The following STAG1 variants were observed in gnomAD, a reference collection of about 807,000 sequenced individuals.
The protein encoded by STAG1 is STAG1 cohesin complex component.
A neutral mutation model predicts 170.9 loss-of-function variants in STAG1; 26 were observed. That is an observed-to-expected ratio of 0.15 (90% CI 0.11 to 0.21). STAG1 has a LOEUF of 0.21. STAG1 is among the 10% of genes least tolerant of loss of function. STAG1 has a pLI of 1.00. For missense variants in STAG1, 964 were observed against 1,509.5 expected, an observed-to-expected ratio of 0.64 and a Z score of 5.99; for synonymous variants, 514 against 497.7, an observed-to-expected ratio of 1.03 and a Z score of -0.44.
chr3:136,482,043 G>A (rs1478933608), intron 9 of STAG1, among the ~76,000 whole-genome samples: 1 of 37,286 alleles, frequency 2.7e-5, no homozygotes, highest in Non-Finnish European at 5.5e-5. Context: ...TGGATTCATT[G>A]ATTTTTTGAA....
At chr3:136,714,935 T>TAAAATATATATA (rs1167683540) in intron 1 of STAG1, among the ~76,000 whole-genome samples, 6 of 56,576 alleles carry the variant, frequency 1.1e-4, no homozygotes, top group African/African-American at 5.5e-4. Flanking sequence ...AATATATATA[T>TAAAATATATATA]TAAATATATA....
chr3:136,503,600 G>T (rs1403921609), intron 7 of STAG1, among the ~76,000 whole-genome samples: 1 of 151,912 alleles, frequency 6.6e-6, no homozygotes, highest in Non-Finnish European at 1.5e-5. Flanking sequence ...CTCCTTTTAG[G>T]TTATTCATGT....
intron 14 of STAG1, among the ~76,000 whole-genome samples, chr3:136,445,303 C>T (rs962972634): frequency 4.6e-5 from 7 of 151,998 alleles, no homozygotes; most frequent in African/African-American, 1.7e-4. Flanking sequence ...TATCCTTAGA[C>T]CATCCATAAC....
At chr3:136,722,082 G>A (rs1933311098) in intron 1 of STAG1, among the ~76,000 whole-genome samples, 1 of 151,386 alleles carries the variant, frequency 6.6e-6, no homozygotes, top group South Asian at 2.1e-4. Flanking sequence ...AAATAGCCAG[G>A]CATGGTGGTG....
chr3:136,451,961 A>C (rs1235634541), intron 14 of STAG1, 72 bp downstream of exon 14: 8 of 1,022,732 alleles, frequency 7.8e-6, no homozygotes, highest in Non-Finnish European at 1.1e-5. Context: ...GATTGAAAAA[A>C]ATTAAAATGA....
intron 5 of STAG1, among the ~76,000 whole-genome samples, chr3:136,548,607 C>T (rs897019033): frequency 6.6e-6 from 1 of 152,144 alleles, no homozygotes; most frequent in African/African-American, 2.4e-5. Flanking sequence ...ATCGGTAAGA[C>T]CACTTTAGGC....
intron 9 of STAG1, among the ~76,000 whole-genome samples, chr3:136,495,102 A>T (rs1450329475): frequency 1.3e-5 from 2 of 152,210 alleles, no homozygotes; most frequent in Non-Finnish European, 2.9e-5. Flanking sequence ...AGGTGGTATC[A>T]GTGTAAGGAT....
At chr3:136,352,650 A>G (rs541485138) in intron 28 of STAG1, among the ~76,000 whole-genome samples, 1 of 152,156 alleles carries the variant, frequency 6.6e-6, no homozygotes, top group Admixed American at 6.5e-5. Flanking sequence ...TAGTGCTTTT[A>G]GCTGTGTACT....
At chr3:136,411,488 A>G (rs1032495803) in intron 21 of STAG1, among the ~76,000 whole-genome samples, 10 of 152,208 alleles carry the variant, frequency 6.6e-5, no homozygotes, top group African/African-American at 2.4e-5. Context: ...ATATTACAAT[A>G]AATTCTGAAA....
At chr3:136,703,565 T>G (rs1182663826) in intron 1 of STAG1, among the ~76,000 whole-genome samples, 1 of 152,172 alleles carries the variant, frequency 6.6e-6, no homozygotes. Context: ...TTTACTGGAT[T>G]CAGACACTCA....
At chr3:136,498,960 G>A (rs1933314059) in intron 9 of STAG1, among the ~76,000 whole-genome samples, 1 of 152,030 alleles carries the variant, frequency 6.6e-6, no homozygotes, top group African/African-American at 2.4e-5. Flanking sequence ...GTATACACAG[G>A]GGATTGCTTC....
intron 1 of STAG1, among the ~76,000 whole-genome samples, chr3:136,742,724 AAAAAG>A (rs1934734903): frequency 6.6e-6 from 1 of 152,002 alleles, no homozygotes; most frequent in African/African-American, 2.4e-5. Context: ...CAAAAAAAAA[AAAAAG>A]AAAAGAAAAT....
intron 16 of STAG1, among the ~76,000 whole-genome samples, chr3:136,425,797 TAA>T (rs897704565): frequency 2.0e-5 from 3 of 150,568 alleles, no homozygotes; most frequent in Middle Eastern, 3.5e-3. Context: ...AGAAAGTAAT[TAA>T]AAAATAAGAT....
chr3:136,570,711 G>A (rs895463387), intron 4 of STAG1, among the ~76,000 whole-genome samples: 2 of 152,170 alleles, frequency 1.3e-5, no homozygotes, highest in African/African-American at 2.4e-5. Context: ...CCCAAGACTA[G>A]GTACTGTCAG....
At chr3:136,492,001 C>T (rs2090133705) in intron 9 of STAG1, among the ~76,000 whole-genome samples, 2 of 152,022 alleles carry the variant, frequency 1.3e-5, no homozygotes, top group South Asian at 2.1e-4. Context: ...AAAAACAAAA[C>T]AAAACAAAAA....
At chr3:136,565,503 T>A (rs1313016216) in intron 5 of STAG1, among the ~76,000 whole-genome samples, 4 of 152,334 alleles carry the variant, frequency 2.6e-5, no homozygotes, top group South Asian at 4.1e-4. Context: ...GTAGGATGGC[T>A]ATAATTTTTA....
chr3:136,363,980 G>A (rs1936978340), intron 25 of STAG1, among the ~76,000 whole-genome samples: 1 of 152,052 alleles, frequency 6.6e-6, no homozygotes, highest in Non-Finnish European at 1.5e-5. Flanking sequence ...GGCTGGTCTT[G>A]AACTCCTGAC....
rs1576724000 is a variant in STAG1, at chr3:136,657,149, C to T, written c.-83-26168G>A. Reference sequence around the variant, plus strand: ...AAAAAAAGTGGCCAGTGTATAGATGCAAATATAAAGAACGTCCTCTCCTAC... The same window carrying T: ...AAAAAAAGTGGCCAGTGTATAGATGTAAATATAAAGAACGTCCTCTCCTAC... On this transcript the variant is annotated intron_variant, in intron 1 of 33. Coordinates refer to ENST00000383202, the MANE Select transcript of STAG1 (RefSeq NM_005862.3). Among the ~76,000 whole-genome samples the T allele has an allele frequency of 2.1e-5, 3 of 145,716 alleles. No homozygotes were observed. The South Asian group carries it at 6.5e-4, about 32-fold the overall frequency.
chr3:136,518,051 A>T (rs1204819811), intron 7 of STAG1: 1 of 214,448 alleles, frequency 4.7e-6, no homozygotes, highest in Non-Finnish European at 9.0e-6. Context: ...TATAATGATA[A>T]AAAAAACTTT....
Sources: gnomAD v4.1 joint callset for allele counts (sites outside exome capture counted in the v4.1 genomes callset) on GRCh38, gnomAD v4.1.1 for gene constraint, MANE v1.5 for transcripts, NCBI Gene and HGNC (gene_info 2026-07-23, HGNC 2026-07-21) for gene names.